DENND5A: variants seen among roughly 807,000 people sequenced by gnomAD.
DENND5A encodes the protein DENN domain containing 5A.
A neutral mutation model predicts 140.3 loss-of-function variants in DENND5A; 64 were observed. The observed-to-expected ratio is 0.46, with a 90% CI of 0.37 to 0.56. The LOEUF (loss-of-function observed/expected upper bound fraction) is 0.56, where lower values mean the gene tolerates loss of function less well. DENND5A is among the 20% of genes least tolerant of loss of function. DENND5A has a pLI of 0.00. For missense variants in DENND5A, 1,292 were observed against 1,593.8 expected, an observed-to-expected ratio of 0.81 and a Z score of 3.22; for synonymous variants, 605 against 607.7, an observed-to-expected ratio of 1.00 and a Z score of 0.07.
In DENND5A at chr11:9,152,113, C is replaced by T. The variant is rs150150104; in HGVS notation, c.2521+245G>A. 4.9e-3 allele frequency among the ~76,000 whole-genome samples: 752 copies of T among 152,280 alleles called. 2 individuals carry two copies. The highest frequency in any genetic ancestry group is 6.2e-3 in the Non-Finnish European group (423 of 68,024). On this transcript the variant is annotated intron_variant, in intron 13 of 22. Transcript: ENST00000328194. ...AAACCCATATTCATTCTGAGACTGGCCTCTTGCCCAAATAAATTTTCTATC... is the reference window on the plus strand; with the variant it reads ...AAACCCATATTCATTCTGAGACTGGTCTCTTGCCCAAATAAATTTTCTATC...
At chr11:9,180,250 T>A (rs1037301027) in intron 6 of DENND5A, among the ~76,000 whole-genome samples, 4 of 151,768 alleles carry the variant, frequency 2.6e-5, no homozygotes, top group African/African-American at 9.7e-5. Flanking sequence ...CCCGGAAGTT[T>A]GAGACTAGCT....
intron 1 of DENND5A, among the ~76,000 whole-genome samples, chr11:9,231,473 T>C (rs1411408822): frequency 1.3e-5 from 2 of 152,056 alleles, no homozygotes; most frequent in Non-Finnish European, 2.9e-5. Flanking sequence ...CCCAGCACTT[T>C]GGGAGGCAGA....
chr11:9,253,761 G>C (rs955884532), intron 1 of DENND5A, among the ~76,000 whole-genome samples: 2 of 151,974 alleles, frequency 1.3e-5, no homozygotes. Flanking sequence ...CAGCTACCTA[G>C]AGGCTGAGGT....
At chr11:9,240,374 G>A (rs368722260) in intron 1 of DENND5A, among the ~76,000 whole-genome samples, 48 of 152,118 alleles carry the variant, frequency 3.2e-4, no homozygotes, top group African/African-American at 1.1e-3. Context: ...CACCCTGGGC[G>A]ACAAGAGTGA....
At chr11:9,242,893 G>C (rs1038276296) in intron 1 of DENND5A, 3 of 151,208 alleles carry the variant, frequency 2.0e-5, no homozygotes, top group African/African-American at 7.3e-5. Context: ...TTCGAGACCA[G>C]CCTGGCCAAC....
At chr11:9,155,176 C>G (rs1481210846) in intron 12 of DENND5A, among the ~76,000 whole-genome samples, 1 of 151,898 alleles carries the variant, frequency 6.6e-6, no homozygotes, top group African/African-American at 2.4e-5. Context: ...ATTAATGTAT[C>G]TAACAGATAA....
At position 9,203,987 on chromosome 11, in the gene DENND5A, A is replaced by C. The variant is rs139678753; in HGVS notation, c.622T>G (p.Cys208Gly). The change falls in exon 4 of 23, where the codon TGC (cysteine) becomes GGC (glycine). Residue 208 changes from cysteine (C) to glycine (G), a missense_variant. Physicochemically the swap from Cys to Gly is radical, Grantham distance 159. Transcript: ENST00000328194. ...ATGAAAGACATGGGTGTGATGAGGC[A>C]GATGCACTTAGAGACGTAGAGAGTG... Reference protein sequence around the residue: ...RDTLYVSKCICLITPMSFMKA... With the variant: ...RDTLYVSKCIGLITPMSFMKA... 5.6e-6 allele frequency: 9 copies of C among 1,614,060 alleles called. No individual in the cohort carries two copies. Among genetic ancestry groups the C allele is most frequent in the Admixed American group, 3.3e-5 (2 of 59,996 alleles).
intron 12 of DENND5A, among the ~76,000 whole-genome samples, chr11:9,158,957 C>T (rs1345807999): frequency 6.6e-6 from 1 of 152,172 alleles, no homozygotes; most frequent in African/African-American, 2.4e-5. Flanking sequence ...AATTCTAGAA[C>T]ATTTTCATCA....
intron 4 of DENND5A, among the ~76,000 whole-genome samples, chr11:9,197,222 T>A: frequency 6.6e-6 from 1 of 151,296 alleles, no homozygotes; most frequent in East Asian, 2.0e-4. Flanking sequence ...GAAGAATCGT[T>A]TGAACCCGGG....
At chr11:9,214,950 C>T (rs1221558337) in intron 1 of DENND5A, among the ~76,000 whole-genome samples, 1 of 152,168 alleles carries the variant, frequency 6.6e-6, no homozygotes, top group East Asian at 1.9e-4. Flanking sequence ...TCTCGAACTC[C>T]TGACCTTAAG....
At chr11:9,195,953 G>A (rs1289594486) in intron 4 of DENND5A, among the ~76,000 whole-genome samples, 1 of 151,922 alleles carries the variant, frequency 6.6e-6, no homozygotes, top group African/African-American at 2.4e-5. Flanking sequence ...TGTAATCCCA[G>A]CACTTTTTTT....
rs1847136722 is a variant in DENND5A, at chr11:9,138,899, T to C, written c.*772A>G. 1.3e-5 allele frequency: 2 copies of C among 152,096 alleles called. No homozygotes were observed. Among genetic ancestry groups the C allele is most frequent in the Non-Finnish European group, 2.9e-5 (2 of 68,038 alleles). The allele number at this position is 152,096 out of a possible 1,614,324, so 9.4% of individuals were successfully genotyped here. On this transcript the variant is annotated 3_prime_UTR_variant, in exon 23 of 23. Transcript: ENST00000328194. ...AAGTTGCAAAACATAAATTTAATAA[T>C]AATAACATAGCCAGTTAGATTGTGA...
intron 1 of DENND5A, among the ~76,000 whole-genome samples, chr11:9,238,964 T>C (rs1459514419): frequency 3.3e-5 from 5 of 151,722 alleles, no homozygotes; most frequent in African/African-American, 1.2e-4. Flanking sequence ...CCTGAGTAGC[T>C]AGGATTACAG....
In DENND5A at chr11:9,145,822, AG is replaced by A. The variant is rs1486661909; in HGVS notation, c.2858-8del. On this transcript the variant is annotated splice_region_variant and splice_polypyrimidine_tract_variant and intron_variant, in intron 16 of 22. Transcript: ENST00000328194. ...AGAATGTGGTACGGGATCACTGTTT[AG>A]GGGAAGCCACAAAAGTATTGAGGAG... 1.2e-6 allele frequency: 2 copies of A among 1,614,106 alleles called. No homozygotes were observed. The highest frequency in any genetic ancestry group is 2.7e-5 in the African/African-American group (2 of 75,052).
At chr11:9,242,688 A>G (rs1238802435) in intron 1 of DENND5A, 1 of 152,146 alleles carries the variant, frequency 6.6e-6, no homozygotes, top group Non-Finnish European at 1.5e-5. Context: ...CCATTAACTT[A>G]AATATCATCT....
chr11:9,250,852 G>C (rs1186659832), intron 1 of DENND5A, among the ~76,000 whole-genome samples: 1 of 152,060 alleles, frequency 6.6e-6, no homozygotes, highest in Non-Finnish European at 1.5e-5. Context: ...AAGGACTTCC[G>C]GCCGGGTGCG....
chr11:9,249,626 G>A (rs1309860920), intron 1 of DENND5A, among the ~76,000 whole-genome samples: 2 of 152,072 alleles, frequency 1.3e-5, no homozygotes, highest in Non-Finnish European at 2.9e-5. Flanking sequence ...TCAGCTCACT[G>A]CAACCTCTGC....
intron 1 of DENND5A, among the ~76,000 whole-genome samples, chr11:9,215,855 T>A (rs1404371849): frequency 6.6e-6 from 1 of 152,150 alleles, no homozygotes; most frequent in African/African-American, 2.4e-5. Context: ...TGGCCGTTCT[T>A]TTATATAATT....
In DENND5A at chr11:9,142,225, C is replaced by A. The variant is rs1847270294; in HGVS notation, c.3512-117G>T. 1.1e-5 allele frequency: 8 copies of A among 740,386 alleles called. No individual in the cohort carries two copies. In the South Asian group the frequency reaches 2.0e-4, roughly 18 times the overall value. 45.9% of individuals were successfully genotyped at this position (740,386 alleles called of 1,614,324 possible). On this transcript the variant is annotated intron_variant, in intron 21 of 22. Coordinates refer to ENST00000328194, the MANE Select transcript of DENND5A (RefSeq NM_015213.4). The stretch of plus-strand genomic sequence containing the variant: ...CACACAGGTAACTTAATGAGAATAG[C>A]ACAAGTGTTCTGATGTCACTGGTCA...
Sources: allele counts gnomAD v4.1 joint callset (sites outside exome capture counted in the v4.1 genomes callset), GRCh38; gene constraint gnomAD v4.1.1; transcripts MANE v1.5; gene names NCBI Gene and HGNC (gene_info 2026-07-23, HGNC 2026-07-21).